SLC10A7: variants seen among roughly 807,000 people sequenced by gnomAD.
SLC10A7 encodes sodium/bile acid cotransporter 7.
In SLC10A7, 29 loss-of-function variants were observed where a neutral mutation model predicts 43.2. That is an observed-to-expected ratio of 0.67 (90% CI 0.50 to 0.92). The LOEUF (loss-of-function observed/expected upper bound fraction) is 0.92. Ranked by LOEUF, SLC10A7 falls within the 40% of genes least tolerant of loss-of-function variation. The pLI, the probability that SLC10A7 is intolerant of heterozygous loss-of-function variation, is 0.00. For synonymous variants in SLC10A7, 152 were observed against 144.8 expected, an observed-to-expected ratio of 1.05 and a Z score of -0.35; for missense variants, 295 against 403.2, an observed-to-expected ratio of 0.73 and a Z score of 2.30.
intron 5 of SLC10A7, among the ~76,000 whole-genome samples, chr4:146,428,752 A>G (rs137899787): frequency 6.6e-6 from 1 of 152,282 alleles, no homozygotes; most frequent in African/African-American, 2.4e-5. Context: ...TCACAAGTAG[A>G]TAAAAAATAA....
intron 5 of SLC10A7, among the ~76,000 whole-genome samples, chr4:146,364,410 A>G (rs1422209623): frequency 2.6e-5 from 4 of 152,162 alleles, no homozygotes; most frequent in African/African-American, 9.6e-5. Flanking sequence ...TTTATCAAAC[A>G]TGAAAAGAAC....
intron 4 of SLC10A7, among the ~76,000 whole-genome samples, chr4:146,478,512 C>T (rs1734216264): frequency 6.6e-6 from 1 of 152,080 alleles, no homozygotes; most frequent in Admixed American, 6.5e-5. Context: ...TAGAATATTA[C>T]AATATGTAGC....
chr4:146,401,561 C>T (rs1033094009), intron 5 of SLC10A7, among the ~76,000 whole-genome samples: 4 of 152,118 alleles, frequency 2.6e-5, no homozygotes, highest in Admixed American at 2.6e-4. Flanking sequence ...GCCTCTTACA[C>T]GCCAGTAACT....
At chr4:146,389,122 A>G (rs1007878099) in intron 5 of SLC10A7, among the ~76,000 whole-genome samples, 1 of 152,170 alleles carries the variant, frequency 6.6e-6, no homozygotes, top group Non-Finnish European at 1.5e-5. Flanking sequence ...GAGCTAAACA[A>G]TGGACACAGA....
chr4:146,447,397 C>A (rs1208224968), intron 4 of SLC10A7, among the ~76,000 whole-genome samples: 4 of 152,128 alleles, frequency 2.6e-5, no homozygotes, highest in Non-Finnish European at 5.9e-5. Flanking sequence ...GTGTGAGTCA[C>A]CATACCCAGC....
intron 9 of SLC10A7, among the ~76,000 whole-genome samples, chr4:146,286,675 C>A (rs75392730): frequency 3.4e-5 from 2 of 58,022 alleles, no homozygotes; most frequent in Non-Finnish European, 6.7e-5. Flanking sequence ...TGAGAAGGAC[C>A]GTGTCTGGAG....
intron 9 of SLC10A7, among the ~76,000 whole-genome samples, chr4:146,291,259 T>C (rs1386267911): frequency 6.6e-6 from 1 of 152,246 alleles, no homozygotes; most frequent in Non-Finnish European, 1.5e-5. Flanking sequence ...TTAAAATAGC[T>C]CCTGCTTTCA....
chr4:146,284,594 T>C (rs1729765947), intron 9 of SLC10A7, among the ~76,000 whole-genome samples: 1 of 152,194 alleles, frequency 6.6e-6, no homozygotes, highest in Non-Finnish European at 1.5e-5. Flanking sequence ...TCTAAGCTGT[T>C]TCTTGGTAAC....
intron 4 of SLC10A7, among the ~76,000 whole-genome samples, chr4:146,469,735 C>A (rs182609447): frequency 4.6e-5 from 7 of 152,206 alleles, no homozygotes; most frequent in Admixed American, 4.6e-4. Context: ...CTCAAGCAAT[C>A]CTCCCACCGC....
At chr4:146,493,107 C>T (rs919886772) in intron 4 of SLC10A7, among the ~76,000 whole-genome samples, 2 of 152,098 alleles carry the variant, frequency 1.3e-5, no homozygotes, top group African/African-American at 4.8e-5. Flanking sequence ...GTAGTTGGTG[C>T]ACAGACAAGC....
chr4:146,272,485 T>C (rs974737351), intron 10 of SLC10A7, among the ~76,000 whole-genome samples: 8 of 152,176 alleles, frequency 5.3e-5, no homozygotes, highest in African/African-American at 1.9e-4. Flanking sequence ...GGGGAAACTG[T>C]TACCCTTGCT....
At chr4:146,477,791 A>C (rs1024727100) in intron 4 of SLC10A7, 2 of 152,232 alleles carry the variant, frequency 1.3e-5, no homozygotes, top group Non-Finnish European at 2.9e-5. Context: ...AAAAAAGATT[A>C]GGAATTTAAG....
intron 5 of SLC10A7, among the ~76,000 whole-genome samples, chr4:146,430,083 G>T (rs1050010027): frequency 2.0e-5 from 3 of 149,008 alleles, no homozygotes; most frequent in Non-Finnish European, 4.4e-5. Context: ...GACAAACAAG[G>T]ATTTCTTAGA....
At chr4:146,521,508 C>T (rs1738655313) in intron 1 of SLC10A7, 110 bp downstream of exon 1, 1 of 824,762 alleles carries the variant, frequency 1.2e-6, no homozygotes, top group Admixed American at 2.3e-5. Flanking sequence ...TGGTCAGTGC[C>T]CCCTGAAATT....
intron 5 of SLC10A7, among the ~76,000 whole-genome samples, chr4:146,419,178 T>C (rs915398784): frequency 1.3e-5 from 2 of 152,184 alleles, no homozygotes; most frequent in Admixed American, 6.5e-5. Context: ...GATTATGTCA[T>C]TGGCCATTGG....
intron 5 of SLC10A7, among the ~76,000 whole-genome samples, chr4:146,383,399 A>G (rs1204951487): frequency 6.6e-6 from 1 of 152,170 alleles, no homozygotes; most frequent in Admixed American, 6.5e-5. Context: ...CTTCATTTGT[A>G]CAGGGTGTAC....
intron 7 of SLC10A7, among the ~76,000 whole-genome samples, chr4:146,296,697 G>C (rs1160870051): frequency 6.6e-6 from 1 of 152,086 alleles, no homozygotes; most frequent in Non-Finnish European, 1.5e-5. Context: ...TTTATATCTT[G>C]CCAGGTTGCA....
chr4:146,256,818 A>G, intron 11 of SLC10A7: 1 of 1,527,026 alleles, frequency 6.5e-7, no homozygotes, highest in Non-Finnish European at 8.8e-7. Context: ...GGAGGCACTC[A>G]TGGATACCTG....
intron 4 of SLC10A7, among the ~76,000 whole-genome samples, chr4:146,455,692 A>G (rs1560925429): frequency 6.6e-6 from 1 of 151,876 alleles, no homozygotes; most frequent in Non-Finnish European, 1.5e-5. Context: ...TCATCTCATC[A>G]AGGCACTTTT....
Sources: allele counts gnomAD v4.1 joint callset (sites outside exome capture counted in the v4.1 genomes callset), GRCh38; gene constraint gnomAD v4.1.1; transcripts MANE v1.5; gene names NCBI Gene and HGNC (gene_info 2026-07-23, HGNC 2026-07-21).